SRP9: variants seen among roughly 807,000 people sequenced by gnomAD.
The protein encoded by SRP9 is signal recognition particle 9, also known as signal recognition particle 9 kDa protein.
A neutral mutation model predicts 11.7 loss-of-function variants in SRP9; 2 were observed. The ratio of observed to expected loss-of-function variants is 0.17; its 90% CI spans 0.07 to 0.54. SRP9 has a LOEUF of 0.54. Ranked by LOEUF, SRP9 falls within the 20% of genes least tolerant of loss-of-function variation. The pLI is 0.94. For synonymous variants in SRP9, 27 were observed against 35.6 expected (o/e 0.76, Z 0.86); for missense variants, 54 against 108.1 (o/e 0.50, Z 2.22).
intron 1 of SRP9, among the ~76,000 whole-genome samples, chr1:225,781,389 CTTTTTCTTT>C (rs1390369606): frequency 9.0e-6 from 1 of 111,060 alleles, no homozygotes; most frequent in Non-Finnish European, 1.9e-5. Context: ...TTTTTCTTTT[CTTTTTCTTT>C]TTTTTTTTTT....
intron 2 of SRP9, among the ~76,000 whole-genome samples, chr1:225,787,455 G>A (rs1173411268): frequency 6.6e-6 from 1 of 152,022 alleles, no homozygotes; most frequent in African/African-American, 2.4e-5. Flanking sequence ...TTGAACCTGG[G>A]ACTGGGAGGC....
rs188158200 is a variant in SRP9, at chr1:225,786,031, T to C, written c.141+2663T>C. Among the ~76,000 whole-genome samples the C allele has an allele frequency of 3.1e-4, 47 of 152,338 alleles. 1 individual carries two copies. Among genetic ancestry groups the C allele is most frequent in the African/African-American group, 1.1e-3 (44 of 41,588 alleles). ...CTAATTTGATTGTTACTCCCTTGCTTAGAAACCTTTAAACTCCACCCTTGC... is the reference window on the plus strand; with the variant it reads ...CTAATTTGATTGTTACTCCCTTGCTCAGAAACCTTTAAACTCCACCCTTGC... On this transcript the variant is annotated intron_variant, in intron 2 of 2. Transcript: ENST00000304786.
rs576784099 is a variant in SRP9 at position 225,788,915 on chromosome 1, C to T, written c.142-325C>T. On this transcript the variant is annotated intron_variant, in intron 2 of 2. Transcript: ENST00000304786. ...TAGGGAGATAATCTAATACCTAATT[C>T]GAAGGAAGAAAATATCTAATTCTAA... 9.0e-5 allele frequency: 119 copies of T among 1,320,698 alleles called. 1 individual carries two copies. The highest frequency in any genetic ancestry group is 5.3e-4 in the Middle Eastern group (2 of 3,754). 81.8% of individuals were successfully genotyped at this position (1,320,698 alleles called of 1,614,324 possible).
At chr1:225,788,443 ATC>A (rs1471963039) in intron 2 of SRP9, among the ~76,000 whole-genome samples, 1 of 147,384 alleles carries the variant, frequency 6.8e-6, no homozygotes, top group Admixed American at 6.8e-5. Context: ...TTGAGACGGA[ATC>A]TCACTCTGTC....
In SRP9 at chr1:225,780,204, T is replaced by TTTA. The variant is rs1491185394; in HGVS notation, c.72+2192_72+2193insTTA. 9.1e-5 allele frequency among the ~76,000 whole-genome samples: 10 copies of TTTA among 110,304 alleles called. No individual in the cohort carries two copies. In the East Asian group the frequency reaches 1.8e-3, roughly 20 times the overall value. The allele number at this position is 110,304 out of a possible 152,430, so 72.4% of individuals were successfully genotyped here. A position where few individuals can be genotyped will look rare whatever the true frequency, so the allele number is the denominator to read the frequency against. ...TTTTTTTTTTTTTTTTTTTTTTTTT[T>TTTA]AAAGACGGGGCTCTTGCTTTGTTGC... On this transcript the variant is annotated intron_variant, in intron 1 of 2. Transcript: ENST00000304786.
intron 1 of SRP9, among the ~76,000 whole-genome samples, chr1:225,781,990 A>G (rs1283138611): frequency 6.6e-6 from 1 of 150,534 alleles, no homozygotes; most frequent in Non-Finnish European, 1.5e-5. Context: ...TTTTTTTTTC[A>G]GTCTCAGGAA....
chr1:225,790,117 C>T lies in SRP9; in HGVS notation c.*758C>T, dbSNP rs1030379928. The T allele has an allele frequency of 6.6e-6, 1 of 152,200 alleles. No individual in the cohort carries two copies. Among genetic ancestry groups the T allele is most frequent in the Non-Finnish European group, 1.5e-5 (1 of 68,036 alleles). 9.4% of individuals were successfully genotyped at this position (152,200 alleles called of 1,614,324 possible). On this transcript the variant is annotated 3_prime_UTR_variant, in exon 3 of 3. Transcript: ENST00000304786. ...GAAATATTTACTACATATTTTCCAT[C>T]TGTAGTTTCTCAGAAGGGCTATGGA...
intron 1 of SRP9, 84 bp downstream of exon 1, chr1:225,778,096 C>T: frequency 1.3e-6 from 2 of 1,482,942 alleles, no homozygotes; most frequent in East Asian, 2.3e-5. Flanking sequence ...GCTTCCCCAG[C>T]GCTCCCAGGA....
chr1:225,780,490 A>G (rs1453316862), intron 1 of SRP9, among the ~76,000 whole-genome samples: 3 of 152,122 alleles, frequency 2.0e-5, no homozygotes, highest in African/African-American at 4.8e-5. Context: ...GGCATTTTAC[A>G]TATGTTTATA....
chr1:225,782,240 T>A (rs1437268156), intron 1 of SRP9, among the ~76,000 whole-genome samples: 1 of 152,116 alleles, frequency 6.6e-6, no homozygotes, highest in Non-Finnish European at 1.5e-5. Context: ...CTCGGCTCAC[T>A]GCAAGCTCCA....
rs1665999240 is a variant in SRP9 at position 225,790,160 on chromosome 1, A to C, written c.*801A>C. The C allele has an allele frequency of 4.6e-5, 7 of 152,312 alleles. No individual in the cohort carries two copies. The South Asian group carries it at 8.3e-4, about 18-fold the overall frequency. 9.4% of individuals were successfully genotyped at this position (152,312 alleles called of 1,614,324 possible). ...GCTATGGATTAGTTTGAACTGTCAA[A>C]TCCTTGCATACTTCTGTGACACCCC... On this transcript the variant is annotated 3_prime_UTR_variant, in exon 3 of 3. Coordinates refer to ENST00000304786, the MANE Select transcript of SRP9 (RefSeq NM_003133.6).
chr1:225,786,425 C>A (rs1246408601), intron 2 of SRP9, among the ~76,000 whole-genome samples: 2 of 152,098 alleles, frequency 1.3e-5, no homozygotes, highest in Non-Finnish European at 2.9e-5. Context: ...ATAGTTAGTT[C>A]TTTTGAAAAT....
intron 2 of SRP9, among the ~76,000 whole-genome samples, chr1:225,784,658 G>T (rs112738373): frequency 1.3e-5 from 2 of 151,676 alleles, no homozygotes; most frequent in Non-Finnish European, 2.9e-5. Flanking sequence ...TGGCTAACAC[G>T]GTGAAACCCC....
At chr1:225,786,088 T>C (rs868590487) in intron 2 of SRP9, among the ~76,000 whole-genome samples, 2 of 152,266 alleles carry the variant, frequency 1.3e-5, no homozygotes, top group African/African-American at 2.4e-5. Flanking sequence ...TTCTGTATTA[T>C]GTAAGAGCTC....
At chr1:225,784,207 A>G (rs1326269189) in intron 2 of SRP9, among the ~76,000 whole-genome samples, 1 of 122,994 alleles carries the variant, frequency 8.1e-6, no homozygotes, top group African/African-American at 3.2e-5. Context: ...TCACTTATCT[A>G]CAGTGGAGTT....
intron 2 of SRP9, among the ~76,000 whole-genome samples, chr1:225,787,185 G>T (rs11583055): frequency 0.11 from 17,064 of 152,044 alleles, 1,008 homozygotes; most frequent in South Asian, 0.15. Context: ...AATTGTGATT[G>T]TCACAGAGTG....
At position 225,789,532 on chromosome 1, in the gene SRP9, T is replaced by C. The variant is rs141268331; in HGVS notation, c.*173T>C. On this transcript the variant is annotated 3_prime_UTR_variant, in exon 3 of 3. Coordinates refer to ENST00000304786, the MANE Select transcript of SRP9 (RefSeq NM_003133.6). ...TTTAGAGAGCTAGGGATGCAAATGT[T>C]TTCAGTTAGAAAGCCTTTATTTACT... 9.4e-3 allele frequency: 5,757 copies of C among 609,734 alleles called. 307 individuals carry two copies. The East Asian group carries it at 0.12, about 13-fold the overall frequency. 37.8% of individuals were successfully genotyped at this position (609,734 alleles called of 1,614,324 possible).
intron 2 of SRP9, among the ~76,000 whole-genome samples, chr1:225,784,226 G>GTTATTTTTTTTTTTTTTTTTT (rs1665852659): frequency 2.3e-5 from 1 of 42,558 alleles, no homozygotes; most frequent in Non-Finnish European, 4.5e-5. Flanking sequence ...TTTATCACCT[G>GTTATTTTTTTTTTTTTTTTTT]TTCTTTTTTT....
chr1:225,778,328 G>A lies in SRP9; in HGVS notation c.72+316G>A, dbSNP rs116293746. On this transcript the variant is annotated intron_variant, in intron 1 of 2. Coordinates refer to ENST00000304786, the MANE Select transcript of SRP9 (RefSeq NM_003133.6). Reference sequence around the variant, plus strand: ...CCCTGAAGCCAGGGCTCCTCCCCCTGCAGCTTCCTGTCCTTTGTCTTGGTT... The same window carrying A: ...CCCTGAAGCCAGGGCTCCTCCCCCTACAGCTTCCTGTCCTTTGTCTTGGTT... 3.5e-3 allele frequency among the ~76,000 whole-genome samples: 533 copies of A among 152,326 alleles called. 1 individual carries two copies. The highest frequency in any genetic ancestry group is 0.012 in the African/African-American group (516 of 41,566).
Sources: allele counts gnomAD v4.1 joint callset (sites outside exome capture counted in the v4.1 genomes callset), GRCh38; gene constraint gnomAD v4.1.1; transcripts MANE v1.5; gene names NCBI Gene and HGNC (gene_info 2026-07-23, HGNC 2026-07-21).